CDADC1: variants seen among roughly 807,000 people sequenced by gnomAD.
CDADC1 encodes dCTP deaminase.
CDADC1 carries 39 observed loss-of-function variants against 54.9 expected under a neutral mutation model. The observed-to-expected ratio is 0.71, with a 90% CI of 0.55 to 0.93. The LOEUF (loss-of-function observed/expected upper bound fraction) is 0.93, where lower values mean the gene tolerates loss of function less well. Among genes scored for constraint, CDADC1 ranks in the 40% least tolerant of loss-of-function variants. The pLI, the probability that CDADC1 is intolerant of heterozygous loss-of-function variation, is 0.00. For synonymous variants in CDADC1, 186 were observed against 204.0 expected (o/e 0.91, Z 0.75); for missense variants, 518 against 618.8 (o/e 0.84, Z 1.73).
intron 8 of CDADC1, among the ~76,000 whole-genome samples, chr13:49,282,407 G>A (rs1953378050): frequency 6.6e-6 from 1 of 151,914 alleles, no homozygotes; most frequent in African/African-American, 2.4e-5. Flanking sequence ...ACTGTTCTCA[G>A]CCTATTTTGG....
chr13:49,285,128 G>T (rs1248686041), intron 8 of CDADC1, among the ~76,000 whole-genome samples: 3 of 151,788 alleles, frequency 2.0e-5, no homozygotes, highest in South Asian at 2.1e-4. Flanking sequence ...AACATTAAAA[G>T]GCAAGGTAAT....
chr13:49,254,616 T>C (rs577451339), intron 2 of CDADC1, among the ~76,000 whole-genome samples: 1 of 152,248 alleles, frequency 6.6e-6, no homozygotes, highest in African/African-American at 2.4e-5. Flanking sequence ...TTGGCCAGGC[T>C]GGTCTCGAAC....
chr13:49,257,030 C>T (rs1228250273), intron 3 of CDADC1, among the ~76,000 whole-genome samples: 1 of 152,122 alleles, frequency 6.6e-6, no homozygotes, highest in Non-Finnish European at 1.5e-5. Flanking sequence ...AAATTCAGAG[C>T]AGCGATTCAC....
Position 49,292,260 on chromosome 13 carries a change from A to G in CDADC1, c.*503A>G. 4 of 978,350 alleles carry G rather than the reference A, an allele frequency of 4.1e-6. No homozygotes were observed. Among genetic ancestry groups the G allele is most frequent in the Non-Finnish European group, 4.9e-6 (4 of 821,762 alleles). The allele number at this position is 978,350 out of a possible 1,614,324, so 60.6% of individuals were successfully genotyped here. A position where few individuals can be genotyped will look rare whatever the true frequency, so the allele number is the denominator to read the frequency against. The stretch of plus-strand genomic sequence containing the variant: ...CAAAGCTTTCTAGTAATCAGAATTT[A>G]CTTAATTAGAATTGACTCATAAAAA... On this transcript the variant is annotated 3_prime_UTR_variant, in exon 10 of 10. Transcript: ENST00000251108.
intron 2 of CDADC1, among the ~76,000 whole-genome samples, chr13:49,251,764 T>C (rs986682654): frequency 6.6e-6 from 1 of 152,204 alleles, no homozygotes; most frequent in African/African-American, 2.4e-5. Context: ...AAAAAAATAC[T>C]ACCAAGGAAA....
chr13:49,288,797 G>T (rs1351742625), intron 9 of CDADC1, among the ~76,000 whole-genome samples: 1 of 152,118 alleles, frequency 6.6e-6, no homozygotes, highest in Non-Finnish European at 1.5e-5. Flanking sequence ...CATGCAAATG[G>T]AACCCAGGTA....
intron 2 of CDADC1, among the ~76,000 whole-genome samples, chr13:49,249,913 A>G (rs1952386226): frequency 6.6e-6 from 1 of 152,100 alleles, no homozygotes; most frequent in Non-Finnish European, 1.5e-5. Context: ...CTGTTTGATA[A>G]TTTTGGAAGC....
chr13:49,291,810 A>G lies in CDADC1; in HGVS notation c.*53A>G. ...CTCAAGAACTTTTCATTGCACTTCT[A>G]AAATTCAGCCTTGTTCATTCAGAAA... On this transcript the variant is annotated 3_prime_UTR_variant, in exon 10 of 10. Coordinates refer to ENST00000251108, the MANE Select transcript of CDADC1 (RefSeq NM_030911.4). 3 of 1,580,408 alleles carry G rather than the reference A, an allele frequency of 1.9e-6. No homozygotes were observed. The highest frequency in any genetic ancestry group is 2.6e-6 in the Non-Finnish European group (3 of 1,165,584).
At position 49,275,760 on chromosome 13, in the gene CDADC1, G is replaced by T. The variant is rs1036590746; in HGVS notation, c.1050+1420G>T. Among the ~76,000 whole-genome samples, 14 of 118,914 alleles carry T rather than the reference G, an allele frequency of 1.2e-4. 1 individual carries two copies. The highest frequency in any genetic ancestry group is 1.0e-3 in the East Asian group (4 of 3,970). 78.0% of individuals were successfully genotyped at this position (118,914 alleles called of 152,430 possible). A position where few individuals can be genotyped will look rare whatever the true frequency, so the allele number is the denominator to read the frequency against. ...AGAGAGAGAGAGAGAGAGAGAGAGAGAGAGAGAGAGAGAGAGAGAGAGAGA... is the reference window on the plus strand; with the variant it reads ...AGAGAGAGAGAGAGAGAGAGAGAGATAGAGAGAGAGAGAGAGAGAGAGAGA... On this transcript the variant is annotated intron_variant, in intron 6 of 9. Transcript: ENST00000251108.
At chr13:49,285,098 G>T (rs1383945484) in intron 8 of CDADC1, among the ~76,000 whole-genome samples, 1 of 151,948 alleles carries the variant, frequency 6.6e-6, no homozygotes, top group African/African-American at 2.4e-5. Flanking sequence ...TATGATGCAG[G>T]TAATAGTTTA....
At chr13:49,285,140 T>C (rs1473612060) in intron 8 of CDADC1, among the ~76,000 whole-genome samples, 1 of 152,020 alleles carries the variant, frequency 6.6e-6, no homozygotes, top group East Asian at 1.9e-4. Context: ...CAAGGTAATC[T>C]TGGTCATATT....
At position 49,268,073 on chromosome 13, in the gene CDADC1, A is replaced by T; in HGVS notation, c.1000+14A>T. On this transcript the variant is annotated intron_variant, in intron 5 of 9. Coordinates refer to ENST00000251108, the MANE Select transcript of CDADC1 (RefSeq NM_030911.4). Reference sequence around the variant, plus strand: ...CATATCGAACTGGTGAGTTACATAGATCGTAAATTGGGGCTGATTGGTTGG... The same window carrying T: ...CATATCGAACTGGTGAGTTACATAGTTCGTAAATTGGGGCTGATTGGTTGG... The T allele has an allele frequency of 6.3e-7, 1 of 1,585,002 alleles. No homozygotes were observed. The highest frequency in any genetic ancestry group is 8.6e-7 in the Non-Finnish European group (1 of 1,163,028).
In CDADC1 at chr13:49,268,112, C is replaced by G. The variant is rs546437002; in HGVS notation, c.1000+53C>G. The stretch of plus-strand genomic sequence containing the variant: ...CTGATTGGTTGGGTTGTATTTGTCT[C>G]TGAAGTGTTCGTCTCATTTATGGTA... On this transcript the variant is annotated intron_variant, in intron 5 of 9. Coordinates refer to ENST00000251108, the MANE Select transcript of CDADC1 (RefSeq NM_030911.4). 4.9e-5 allele frequency: 66 copies of G among 1,356,110 alleles called. No individual in the cohort carries two copies. In the Middle Eastern group the frequency reaches 1.7e-3, roughly 34 times the overall value. The allele number at this position is 1,356,110 out of a possible 1,614,324, so 84.0% of individuals were successfully genotyped here.
intron 4 of CDADC1, among the ~76,000 whole-genome samples, chr13:49,262,870 AGTC>A (rs898186352): frequency 2.0e-5 from 3 of 152,192 alleles, no homozygotes; most frequent in Non-Finnish European, 2.9e-5. Flanking sequence ...CTGCCCTGGT[AGTC>A]GTCATACTCT....
At chr13:49,289,593 C>T (rs572478092) in intron 9 of CDADC1, among the ~76,000 whole-genome samples, 1 of 152,234 alleles carries the variant, frequency 6.6e-6, no homozygotes, top group South Asian at 2.1e-4. Context: ...GGTGTATTCC[C>T]ACAATGGACT....
rs368975753 is a variant in CDADC1 at position 49,291,363 on chromosome 13, G to A, written c.1472-321G>A. Among the ~76,000 whole-genome samples, 27 of 151,562 alleles carry A rather than the reference G, an allele frequency of 1.8e-4. No homozygotes were observed. The East Asian group carries it at 4.5e-3, about 25-fold the overall frequency. On this transcript the variant is annotated intron_variant, in intron 9 of 9. Transcript: ENST00000251108. ...AAAAAAATTTTTTTTGTAGAGATGG[G>A]GTCTCCCTATGCTGCCCAAGCTGGT...
In CDADC1 at chr13:49,248,057, TGCAAAATCTGGAGAGCGC is replaced by T; in HGVS notation, c.22_39del (p.Gln8_Ala13del). 6.4e-7 allele frequency: 1 copy of T among 1,553,626 alleles called. No individual in the cohort carries two copies. The highest frequency in any genetic ancestry group is 8.7e-7 in the Non-Finnish European group (1 of 1,148,220). On this transcript the variant is annotated inframe_deletion, in exon 1 of 10. Transcript: ENST00000251108. ...TTTGGGATGAAAGAAGCTGGGCAGA[TGCAAAATCTGGAGAGCGC>T]GAGGGCCGGGCGGTCAGTCAGCACC...
intron 2 of CDADC1, among the ~76,000 whole-genome samples, chr13:49,252,079 A>G (rs568677911): frequency 1.3e-5 from 2 of 152,340 alleles, no homozygotes; most frequent in South Asian, 4.1e-4. Context: ...AAGAACATCC[A>G]TGTCTTCAGA....
At chr13:49,273,064 TG>T (rs972707530) in intron 5 of CDADC1, among the ~76,000 whole-genome samples, 1 of 152,218 alleles carries the variant, frequency 6.6e-6, no homozygotes, top group African/African-American at 2.4e-5. Context: ...AAATGCTTTG[TG>T]GTATAATTTT....
Sources: gnomAD v4.1 joint callset for allele counts (sites outside exome capture counted in the v4.1 genomes callset) on GRCh38, gnomAD v4.1.1 for gene constraint, MANE v1.5 for transcripts, NCBI Gene and HGNC (gene_info 2026-07-23, HGNC 2026-07-21) for gene names.